The following LDB2 variants were observed in gnomAD, a reference collection of about 807,000 sequenced individuals.
LDB2 encodes the protein LIM domain-binding protein 2.
In LDB2, 12 loss-of-function variants were observed where a neutral mutation model predicts 44.3. The observed-to-expected ratio is 0.27, with a 90% confidence interval of 0.17 to 0.44. LDB2 has a LOEUF of 0.44. LDB2 is among the 20% of genes least tolerant of loss of function. The pLI, the probability that LDB2 is intolerant of heterozygous loss-of-function variation, is 1.00. For missense variants in LDB2, 344 were observed against 473.5 expected (o/e 0.73, Z 2.54); for synonymous variants, 164 against 174.8 (o/e 0.94, Z 0.49).
intron 2 of LDB2, among the ~76,000 whole-genome samples, chr4:16,602,708 C>G (rs1008657849): frequency 2.6e-5 from 4 of 152,088 alleles, no homozygotes; most frequent in Non-Finnish European, 5.9e-5. Flanking sequence ...CTTCTACCTA[C>G]CAAATTTTTA....
At position 16,585,625 on chromosome 4, in the gene LDB2, C is replaced by G. The variant is rs534202195; in HGVS notation, c.615+297G>C. On this transcript the variant is annotated intron_variant, in intron 5 of 7. Transcript: ENST00000304523. ...AACCCATTTGAACTTGAGACAACCA[C>G]AAGGGAAGCAGCCACAAAGCATTTT... Among the ~76,000 whole-genome samples, 4 of 152,222 alleles carry G rather than the reference C, an allele frequency of 2.6e-5. No individual in the cohort carries two copies. In the East Asian group the frequency reaches 7.7e-4, roughly 29 times the overall value.
chr4:16,712,154 GAATC>G (rs1392537324), intron 2 of LDB2, among the ~76,000 whole-genome samples: 1 of 152,144 alleles, frequency 6.6e-6, no homozygotes, highest in Non-Finnish European at 1.5e-5. Context: ...AAATATTTTA[GAATC>G]ATATATCCAG....
At chr4:16,654,182 A>T (rs1200580670) in intron 2 of LDB2, among the ~76,000 whole-genome samples, 1 of 152,204 alleles carries the variant, frequency 6.6e-6, no homozygotes, top group Non-Finnish European at 1.5e-5. Flanking sequence ...AATATAAGGA[A>T]ATTATGAACA....
At chr4:16,737,660 A>G (rs1010667790) in intron 2 of LDB2, among the ~76,000 whole-genome samples, 7 of 152,236 alleles carry the variant, frequency 4.6e-5, no homozygotes, top group African/African-American at 1.4e-4. Context: ...TGGTTGTTAT[A>G]TATTGAGCAA....
At chr4:16,647,690 G>A (rs1737169073) in intron 2 of LDB2, among the ~76,000 whole-genome samples, 1 of 151,910 alleles carries the variant, frequency 6.6e-6, no homozygotes, top group South Asian at 2.1e-4. Context: ...CTTGCCTGGT[G>A]CTTCATTCAG....
intron 5 of LDB2, among the ~76,000 whole-genome samples, chr4:16,521,920 G>A (rs1267573416): frequency 6.6e-6 from 1 of 152,080 alleles, no homozygotes; most frequent in Non-Finnish European, 1.5e-5. Context: ...AAGGACTTTG[G>A]GTGTCTGGGA....
intron 5 of LDB2, among the ~76,000 whole-genome samples, chr4:16,545,750 G>A (rs546890824): frequency 9.9e-5 from 15 of 152,272 alleles, no homozygotes; most frequent in Admixed American, 2.6e-4. Flanking sequence ...TAGCTAATGA[G>A]AAGAAAAACT....
intron 2 of LDB2, among the ~76,000 whole-genome samples, chr4:16,716,725 C>T (rs1757140547): frequency 1.3e-5 from 2 of 152,156 alleles, no homozygotes; most frequent in South Asian, 4.1e-4. Flanking sequence ...CCATCCCATA[C>T]CGTACCCTAG....
chr4:16,695,822 C>G (rs1311101402), intron 2 of LDB2, among the ~76,000 whole-genome samples: 1 of 149,530 alleles, frequency 6.7e-6, no homozygotes, highest in Non-Finnish European at 1.5e-5. Context: ...AATTATTCTT[C>G]TTTTGATTTT....
At chr4:16,893,997 A>G (rs1724186097) in intron 1 of LDB2, among the ~76,000 whole-genome samples, 2 of 152,110 alleles carry the variant, frequency 1.3e-5, no homozygotes, top group African/African-American at 4.8e-5. Flanking sequence ...TTCACTTACA[A>G]TGATGTCCAC....
chr4:16,898,468 A>G lies in LDB2; in HGVS notation c.18T>C (p.His6=). 1 of 1,613,760 alleles carries G rather than the reference A, an allele frequency of 6.2e-7. No individual in the cohort carries two copies. The highest frequency in any genetic ancestry group is 8.5e-7 in the Non-Finnish European group (1 of 1,179,868). Residue 6 remains histidine (H), a synonymous_variant, in exon 1 of 8, where the codon CAT becomes CAC. Coordinates refer to ENST00000304523, the MANE Select transcript of LDB2 (RefSeq NM_001290.5). ...CGAAAGGAGAAGAATAGAAGGGGTC[A>G]TGTGGTGTGCTGGACATCTTGCCTG... is the stretch of plus-strand genomic sequence containing the variant. The part of the protein sequence containing the change: MSSTP[H]DPFYSSPFGP...
intron 5 of LDB2, among the ~76,000 whole-genome samples, chr4:16,525,926 A>G (rs73242332): frequency 0.034 from 5,113 of 152,310 alleles, 105 homozygotes; most frequent in South Asian, 0.072. Context: ...AGCAGGTTCC[A>G]TGGCATAGGG....
chr4:16,801,975 C>G (rs1316693556), intron 1 of LDB2, among the ~76,000 whole-genome samples: 2 of 152,214 alleles, frequency 1.3e-5, no homozygotes, highest in Non-Finnish European at 2.9e-5. Context: ...CAAAGGACAA[C>G]CTGAGTTTTA....
intron 2 of LDB2, among the ~76,000 whole-genome samples, chr4:16,644,357 C>T (rs1188263788): frequency 3.9e-5 from 6 of 152,190 alleles, no homozygotes; most frequent in African/African-American, 1.2e-4. Context: ...GCCCTAAATC[C>T]GGTAACATGT....
chr4:16,809,485 T>C (rs745399696), intron 1 of LDB2, among the ~76,000 whole-genome samples: 27 of 152,146 alleles, frequency 1.8e-4, no homozygotes, highest in Non-Finnish European at 3.2e-4. Context: ...GCAGGCACAA[T>C]TACTATACAC....
chr4:16,590,644 G>A (rs995577549), intron 3 of LDB2, among the ~76,000 whole-genome samples: 6 of 152,192 alleles, frequency 3.9e-5, no homozygotes, highest in Non-Finnish European at 5.9e-5. Flanking sequence ...TGCTGTTAAC[G>A]TGTGCCATCT....
Position 16,656,625 on chromosome 4 carries a change from C to A in LDB2, c.236-60750G>T, listed in dbSNP as rs774100690. ...TCGGCAAGATGACATTTCCATTTAA[C>A]TATTTCATTACATAAGATGTTATTG... On this transcript the variant is annotated intron_variant, in intron 2 of 7. Coordinates refer to ENST00000304523, the MANE Select transcript of LDB2 (RefSeq NM_001290.5). 2.0e-5 allele frequency among the ~76,000 whole-genome samples: 3 copies of A among 152,214 alleles called. No homozygotes were observed. The East Asian group carries it at 5.8e-4, about 29-fold the overall frequency.
At chr4:16,650,435 G>C (rs1737952526) in intron 2 of LDB2, among the ~76,000 whole-genome samples, 1 of 151,938 alleles carries the variant, frequency 6.6e-6, no homozygotes, top group South Asian at 2.1e-4. Context: ...ACTATGTTTT[G>C]GGTTCCATGT....
intron 2 of LDB2, among the ~76,000 whole-genome samples, chr4:16,607,226 A>G (rs1169028168): frequency 6.6e-6 from 1 of 152,162 alleles, no homozygotes; most frequent in African/African-American, 2.4e-5. Flanking sequence ...TTTCAATCTC[A>G]TCTACTTCCT....
Sources: gnomAD v4.1 joint callset for allele counts (sites outside exome capture counted in the v4.1 genomes callset) on GRCh38, gnomAD v4.1.1 for gene constraint, MANE v1.5 for transcripts, NCBI Gene and HGNC (gene_info 2026-07-23, HGNC 2026-07-21) for gene names.